Variants in OTULIN observed in about 807,000 individuals in gnomAD.
The protein encoded by OTULIN is OTU deubiquitinase with linear linkage specificity.
OTULIN carries 15 observed loss-of-function variants against 39.6 expected under a neutral mutation model. The ratio of observed to expected loss-of-function variants is 0.38; its 90% CI spans 0.25 to 0.58. The LOEUF (loss-of-function observed/expected upper bound fraction) is 0.58, where lower values mean the gene tolerates loss of function less well. Among genes scored for constraint, OTULIN ranks in the 20% least tolerant of loss-of-function variants. The pLI, the probability that OTULIN is intolerant of heterozygous loss-of-function variation, is 0.66. For missense variants in OTULIN, 319 were observed against 445.9 expected, an observed-to-expected ratio of 0.72 and a Z score of 2.56; for synonymous variants, 156 against 170.3, an observed-to-expected ratio of 0.92 and a Z score of 0.65.
downstream of OTULIN, among the ~76,000 whole-genome samples, chr5:14,700,103 C>T (rs1173768734): frequency 2.0e-5 from 3 of 152,166 alleles, no homozygotes; most frequent in Non-Finnish European, 4.4e-5. Context: ...TTTTCATTTG[C>T]GTAAACCATT....
chr5:14,706,578 G>T, the OTULIN span: 11 of 152,188 alleles, frequency 7.2e-5, no homozygotes, highest in Non-Finnish European at 1.3e-4. Flanking sequence ...ACTTTTCTGA[G>T]TGGAGTTTGG....
chr5:14,697,287 C>G lies in OTULIN; in HGVS notation c.*4239C>G, dbSNP rs1341263381. Reference sequence around the variant, plus strand: ...TTGCCTCCTGGTTCAAGCAGTTCTCCTGCCTCAGCCTGCCAAATAGCTGGG... The same window carrying G: ...TTGCCTCCTGGTTCAAGCAGTTCTCGTGCCTCAGCCTGCCAAATAGCTGGG... On this transcript the variant is annotated 3_prime_UTR_variant, in exon 7 of 7. Transcript: ENST00000284274. 2.0e-5 allele frequency: 3 copies of G among 152,248 alleles called. No homozygotes were observed. The highest frequency in any genetic ancestry group is 7.2e-5 in the African/African-American group (3 of 41,438). The allele number at this position is 152,248 out of a possible 1,614,324, so 9.4% of individuals were successfully genotyped here.
At chr5:14,678,822 C>T in intron 3 of OTULIN, 47 bp downstream of exon 3, 1 of 1,287,568 alleles carries the variant, frequency 7.8e-7, no homozygotes. Context: ...AATAGTCTAT[C>T]ATAAGTTGTT....
chr5:14,689,513 T>C (rs1218626806), intron 5 of OTULIN, among the ~76,000 whole-genome samples: 1 of 152,244 alleles, frequency 6.6e-6, no homozygotes, highest in African/African-American at 2.4e-5. Context: ...AAGAGTTTCC[T>C]GAATGGATTT....
chr5:14,711,254 G>A, the OTULIN span: 3 of 1,614,122 alleles, frequency 1.9e-6, no homozygotes, highest in Non-Finnish European at 2.5e-6. Flanking sequence ...TCGGAGGCAT[G>A]TCTGTCATGG....
rs77333901 is a variant in OTULIN, at chr5:14,695,514, T to A, written c.*2466T>A. 6 of 152,234 alleles carry A rather than the reference T, an allele frequency of 3.9e-5. No homozygotes were observed. The highest frequency in any genetic ancestry group is 9.6e-5 in the African/African-American group (4 of 41,524). 9.4% of individuals were successfully genotyped at this position (152,234 alleles called of 1,614,324 possible). On this transcript the variant is annotated 3_prime_UTR_variant, in exon 7 of 7. Transcript: ENST00000284274. ...AGAGTGTCTTGCAAGAGTTTAGGAG[T>A]TTTGGACCCTGTGTATTGGCAGAAA...
chr5:14,684,385 C>T (rs10475021), intron 4 of OTULIN, among the ~76,000 whole-genome samples: 3,751 of 152,314 alleles, frequency 0.025, 139 homozygotes, highest in African/African-American at 0.086. Context: ...TGTGGTATCA[C>T]GTCTGAGACA....
At chr5:14,671,023 TC>T (rs1735966816) in intron 1 of OTULIN, among the ~76,000 whole-genome samples, 1 of 152,224 alleles carries the variant, frequency 6.6e-6, no homozygotes, top group African/African-American at 2.4e-5. Context: ...TTTGCTTTTT[TC>T]ATATATCCTG....
At chr5:14,665,800 G>A (rs1478982467) in intron 1 of OTULIN, among the ~76,000 whole-genome samples, 1 of 152,150 alleles carries the variant, frequency 6.6e-6, no homozygotes, top group Admixed American at 6.5e-5. Context: ...TTCCTAAAAA[G>A]GGGTCCTTTG....
In OTULIN at chr5:14,664,853, G is replaced by A. The variant is rs1210721980; in HGVS notation, c.28G>A (p.Glu10Lys). The A allele has an allele frequency of 4.1e-6, 5 of 1,212,788 alleles. No individual in the cohort carries two copies. The highest frequency in any genetic ancestry group is 5.1e-6 in the Non-Finnish European group (5 of 975,020). 75.1% of individuals were successfully genotyped at this position (1,212,788 alleles called of 1,614,324 possible). A position where few individuals can be genotyped will look rare whatever the true frequency, so the allele number is the denominator to read the frequency against. The change falls in exon 1 of 7, where the codon GAA becomes AAA. Residue 10 changes from glutamate (E) to lysine (K), a missense_variant. Glu to Lys is a moderately conservative substitution (Grantham distance 56). Transcript: ENST00000284274. MSRGTMPQP[E>K]AWPGASCAET... The stretch of plus-strand genomic sequence containing the variant: ...GAGTCGGGGGACTATGCCCCAGCCC[G>A]AAGCGTGGCCAGGCGCGAGCTGCGC...
intron 1 of OTULIN, among the ~76,000 whole-genome samples, chr5:14,666,343 G>A (rs1308891431): frequency 6.6e-6 from 1 of 152,190 alleles, no homozygotes; most frequent in African/African-American, 2.4e-5. Flanking sequence ...AAGAGTTTTT[G>A]TGGCACAGGT....
At position 14,694,632 on chromosome 5, in the gene OTULIN, A is replaced by G. The variant is rs1736619905; in HGVS notation, c.*1584A>G. The G allele has an allele frequency of 6.6e-6, 1 of 152,652 alleles. No individual in the cohort carries two copies. Among genetic ancestry groups the G allele is most frequent in the South Asian group, 2.1e-4 (1 of 4,834 alleles). The allele number at this position is 152,652 out of a possible 1,614,324, so 9.5% of individuals were successfully genotyped here. ...AAGAAAACTCAGGATGCACAAAACT[A>G]TTCAGACTGTTACTTTAGCTTTCTC... is the stretch of plus-strand genomic sequence containing the variant. On this transcript the variant is annotated 3_prime_UTR_variant, in exon 7 of 7. Transcript: ENST00000284274.
downstream of OTULIN, among the ~76,000 whole-genome samples, chr5:14,703,900 A>G (rs1736864335): frequency 6.6e-6 from 1 of 152,192 alleles, no homozygotes; most frequent in African/African-American, 2.4e-5. Flanking sequence ...GAAATAGGCA[A>G]TCCCAAGCGA....
the OTULIN span, among the ~76,000 whole-genome samples, chr5:14,714,316 A>T: frequency 2.2e-4 from 33 of 152,294 alleles, no homozygotes; most frequent in African/African-American, 7.9e-4. Context: ...GAGCTGCAGG[A>T]GGGCCATGGG....
intron 1 of OTULIN, among the ~76,000 whole-genome samples, chr5:14,667,268 C>T (rs890115614): frequency 1.3e-5 from 2 of 152,208 alleles, no homozygotes; most frequent in African/African-American, 4.8e-5. Context: ...TGGCTTATTT[C>T]CTAGGTAGCA....
At chr5:14,677,294 C>A (rs1011419357) in intron 2 of OTULIN, among the ~76,000 whole-genome samples, 1 of 152,176 alleles carries the variant, frequency 6.6e-6, no homozygotes, top group Non-Finnish European at 1.5e-5. Context: ...TCTTCATCAC[C>A]TTTTATCCCC....
the OTULIN span, chr5:14,710,844 G>A: frequency 1.2e-5 from 4 of 344,938 alleles, no homozygotes; most frequent in Non-Finnish European, 2.3e-5. Context: ...TGACCGAGGC[G>A]CGATGGCACA....
chr5:14,703,124 GCAGCAGACAGAATGAGGACTCA>G (rs796644450), downstream of OTULIN, among the ~76,000 whole-genome samples: 39 of 152,206 alleles, frequency 2.6e-4, no homozygotes, highest in African/African-American at 9.4e-4. Context: ...CAGCTAAAAA[GCAGCAGACAGAATGAGGACTCA>G]CAGCTCCTGA....
In OTULIN at chr5:14,693,195, A is replaced by T; in HGVS notation, c.*147A>T. ...AGCCAAGTTGGACAGGATGTCCTGA[A>T]GACTAGCTTTTGATAAGAGAAATTA... On this transcript the variant is annotated 3_prime_UTR_variant, in exon 7 of 7. Transcript: ENST00000284274. The T allele has an allele frequency of 1.5e-6, 1 of 654,928 alleles. No homozygotes were observed. Among genetic ancestry groups the T allele is most frequent in the Non-Finnish European group, 2.5e-6 (1 of 394,376 alleles). 40.6% of individuals were successfully genotyped at this position (654,928 alleles called of 1,614,324 possible). A position where few individuals can be genotyped will look rare whatever the true frequency, so the allele number is the denominator to read the frequency against.
Sources: gnomAD v4.1 joint callset for allele counts (sites outside exome capture counted in the v4.1 genomes callset) on GRCh38, gnomAD v4.1.1 for gene constraint, MANE v1.5 for transcripts, NCBI Gene and HGNC (gene_info 2026-07-23, HGNC 2026-07-21) for gene names.